Variants in LDB2 observed in about 807,000 individuals in gnomAD.
The protein encoded by LDB2 is LIM domain-binding protein 2.
LDB2 carries 12 observed loss-of-function variants against 44.3 expected under a neutral mutation model. The ratio of observed to expected loss-of-function variants is 0.27; its 90% CI spans 0.17 to 0.44. The LOEUF is 0.44. Ranked by LOEUF, LDB2 falls within the 20% of genes least tolerant of loss-of-function variation. LDB2 has a pLI of 1.00. For missense variants in LDB2, 344 were observed against 473.5 expected (o/e 0.73, Z 2.54); for synonymous variants, 164 against 174.8 (o/e 0.94, Z 0.49).
intron 1 of LDB2, among the ~76,000 whole-genome samples, chr4:16,761,978 T>G (rs1768024689): frequency 6.6e-6 from 1 of 152,134 alleles, no homozygotes; most frequent in Non-Finnish European, 1.5e-5. Flanking sequence ...ACCCACACTC[T>G]GCTAAAAATA....
intron 2 of LDB2, among the ~76,000 whole-genome samples, chr4:16,658,393 T>G (rs879721839): frequency 6.6e-6 from 1 of 152,196 alleles, no homozygotes; most frequent in Admixed American, 6.5e-5. Context: ...ATAGTTTATG[T>G]GCATCGTGGC....
intron 3 of LDB2, 140 bp from the exon 4 acceptor site, chr4:16,588,972 G>A: frequency 7.6e-6 from 6 of 784,336 alleles, no homozygotes; most frequent in Non-Finnish European, 1.3e-5. Flanking sequence ...CACGAGTGAT[G>A]TGTCCACTGC....
chr4:16,572,935 G>A (rs917578440), intron 5 of LDB2, among the ~76,000 whole-genome samples: 5 of 152,170 alleles, frequency 3.3e-5, no homozygotes, highest in African/African-American at 1.2e-4. Context: ...GGAGGAGGAA[G>A]GGAAAAGTAA....
chr4:16,635,904 G>T (rs1051506451), intron 2 of LDB2, among the ~76,000 whole-genome samples: 2 of 152,108 alleles, frequency 1.3e-5, no homozygotes, highest in Admixed American at 6.5e-5. Context: ...GCTTTGCCTC[G>T]CTGGATTTGT....
chr4:16,665,876 A>G (rs1743015636), intron 2 of LDB2, among the ~76,000 whole-genome samples: 1 of 152,196 alleles, frequency 6.6e-6, no homozygotes, highest in Admixed American at 6.5e-5. Flanking sequence ...GAAAACAGAT[A>G]AAGACACAGG....
intron 1 of LDB2, among the ~76,000 whole-genome samples, chr4:16,820,363 G>A (rs1451135903): frequency 2.0e-5 from 3 of 152,170 alleles, no homozygotes; most frequent in Non-Finnish European, 4.4e-5. Context: ...GTGAACAAGA[G>A]CAGGTTCCCT....
intron 1 of LDB2, among the ~76,000 whole-genome samples, chr4:16,805,101 G>C (rs1422303242): frequency 1.3e-5 from 2 of 152,016 alleles, no homozygotes; most frequent in Admixed American, 6.6e-5. Flanking sequence ...GATGGAGAGA[G>C]AGAGAAGGGT....
At position 16,673,203 on chromosome 4, in the gene LDB2, G is replaced by A. The variant is rs978961934; in HGVS notation, c.236-77328C>T. Among the ~76,000 whole-genome samples the A allele has an allele frequency of 2.0e-5, 3 of 152,246 alleles. No individual in the cohort carries two copies. The East Asian group carries it at 5.8e-4, about 29-fold the overall frequency. The stretch of plus-strand genomic sequence containing the variant: ...AAGAGATATCTCTGCTAAAAATCTG[G>A]GAATAGGAAGTTGTTTATATTGATC... On this transcript the variant is annotated intron_variant, in intron 2 of 7. Coordinates refer to ENST00000304523, the MANE Select transcript of LDB2 (RefSeq NM_001290.5).
intron 1 of LDB2, among the ~76,000 whole-genome samples, chr4:16,813,653 T>C (rs887352701): frequency 6.6e-6 from 1 of 152,044 alleles, no homozygotes; most frequent in African/African-American, 2.4e-5. Flanking sequence ...TCTGGTGAGG[T>C]AGAGAACTCA....
intron 1 of LDB2, among the ~76,000 whole-genome samples, chr4:16,873,379 T>C (rs1286391235): frequency 5.9e-5 from 9 of 152,166 alleles, no homozygotes; most frequent in African/African-American, 1.9e-4. Context: ...GGGCTGCCTA[T>C]CACTGAAAGT....
chr4:16,658,457 A>C (rs1476957961), intron 2 of LDB2, among the ~76,000 whole-genome samples: 1 of 152,154 alleles, frequency 6.6e-6, no homozygotes, highest in Non-Finnish European at 1.5e-5. Flanking sequence ...AGTGAAGTAG[A>C]CCAGATGCAG....
At chr4:16,827,237 C>T (rs912523639) in intron 1 of LDB2, among the ~76,000 whole-genome samples, 35 of 152,094 alleles carry the variant, frequency 2.3e-4, no homozygotes, top group African/African-American at 7.2e-4. Context: ...CAGCTCCACT[C>T]GGGGCAGCAT....
chr4:16,637,126 T>G (rs2152503486), intron 2 of LDB2, among the ~76,000 whole-genome samples: 1 of 152,284 alleles, frequency 6.6e-6, no homozygotes, highest in East Asian at 1.9e-4. Flanking sequence ...TTGGAAACAC[T>G]TTCTTTAGTC....
intron 7 of LDB2, chr4:16,503,194 A>ATTGGGGACTT (rs1206344257): frequency 6.6e-7 from 1 of 1,510,874 alleles, no homozygotes; most frequent in Non-Finnish European, 8.9e-7. Flanking sequence ...ACTTGCCGAC[A>ATTGGGGACTT]TTGGGGACTT....
chr4:16,851,517 C>T (rs375558073), intron 1 of LDB2, among the ~76,000 whole-genome samples: 18 of 151,894 alleles, frequency 1.2e-4, no homozygotes, highest in East Asian at 7.8e-4. Context: ...TCACTTGAAA[C>T]CAGGAGGTGG....
At chr4:16,713,417 T>A (rs937134742) in intron 2 of LDB2, among the ~76,000 whole-genome samples, 8 of 151,964 alleles carry the variant, frequency 5.3e-5, no homozygotes, top group African/African-American at 1.9e-4. Context: ...TGAGGGGAAC[T>A]AACAATAGGA....
At chr4:16,664,143 T>C (rs1195430775) in intron 2 of LDB2, among the ~76,000 whole-genome samples, 1 of 152,152 alleles carries the variant, frequency 6.6e-6, no homozygotes, top group Non-Finnish European at 1.5e-5. Flanking sequence ...GGCTGGGTCT[T>C]TGGGATGTGA....
At chr4:16,527,574 T>C (rs1401996301) in intron 5 of LDB2, among the ~76,000 whole-genome samples, 1 of 152,176 alleles carries the variant, frequency 6.6e-6, no homozygotes, top group African/African-American at 2.4e-5. Context: ...CAGTCCCATG[T>C]ACCCAGAGGA....
At chr4:16,734,501 T>C (rs1761440378) in intron 2 of LDB2, among the ~76,000 whole-genome samples, 1 of 152,134 alleles carries the variant, frequency 6.6e-6, no homozygotes, top group African/African-American at 2.4e-5. Context: ...AAAAAGGTTC[T>C]CCAACAAACA....
Sources: gnomAD v4.1 joint callset for allele counts (sites outside exome capture counted in the v4.1 genomes callset) on GRCh38, gnomAD v4.1.1 for gene constraint, MANE v1.5 for transcripts, NCBI Gene and HGNC (gene_info 2026-07-23, HGNC 2026-07-21) for gene names.